Variants in SORBS2 observed in about 807,000 individuals in gnomAD.
SORBS2 encodes sorbin and SH3 domain containing 2, also known as sorbin and SH3 domain-containing protein 2.
In SORBS2, 46 loss-of-function variants were observed where a neutral mutation model predicts 97.7. The observed-to-expected ratio is 0.47, with a 90% CI of 0.37 to 0.60. The LOEUF (loss-of-function observed/expected upper bound fraction) is 0.60, where lower values mean the gene tolerates loss of function less well. Among genes scored for constraint, SORBS2 ranks in the 20% least tolerant of loss-of-function variants. The pLI is 0.00. For synonymous variants in SORBS2, 476 were observed against 473.4 expected, an observed-to-expected ratio of 1.01 and a Z score of -0.07; for missense variants, 1,316 against 1,282.3, an observed-to-expected ratio of 1.03 and a Z score of -0.40.
intron 2 of SORBS2, chr4:185,772,092 CTTGA>C (rs1363894335): frequency 6.6e-6 from 1 of 152,130 alleles, no homozygotes; most frequent in South Asian, 2.1e-4. Flanking sequence ...AGATCCTGGG[CTTGA>C]TTATTTTTGT....
In SORBS2 at chr4:185,706,810, G is replaced by C. The variant is rs147963187; in HGVS notation, c.-197-27988C>G. The stretch of plus-strand genomic sequence containing the variant: ...ATGCTGCATATAATTACATTGCTAA[G>C]ATTCATCTATATTGTTGGTTATCCC... On this transcript the variant is annotated intron_variant, in intron 2 of 20. Transcript: ENST00000284776. 1.0e-3 allele frequency among the ~76,000 whole-genome samples: 157 copies of C among 152,200 alleles called. 1 individual carries two copies. The highest frequency in any genetic ancestry group is 3.7e-3 in the African/African-American group (152 of 41,526).
chr4:185,623,650 G>A lies in SORBS2; in HGVS notation c.1479C>T (p.Pro493=). Residue 493 remains proline (P), a synonymous_variant, in exon 7 of 15, where the codon CCC becomes CCT. Transcript: ENST00000418609. The surrounding 1 kb of genome is among the most constrained non-coding windows in gnomAD (Gnocchi z 6.4). ...TGTCGGAAAACTCCACGTGTGCTCGGGGCTGCTCATCGCTGGTGACTTCAA... is the reference window on the plus strand; with the variant it reads ...TGTCGGAAAACTCCACGTGTGCTCGAGGCTGCTCATCGCTGGTGACTTCAA... 6.2e-7 allele frequency: 1 copy of A among 1,614,068 alleles called. No individual in the cohort carries two copies. The highest frequency in any genetic ancestry group is 8.5e-7 in the Non-Finnish European group (1 of 1,180,030).
chr4:185,596,099 ATGT>A (rs1349566605), intron 12 of SORBS2, among the ~76,000 whole-genome samples: 1 of 152,322 alleles, frequency 6.6e-6, no homozygotes, highest in East Asian at 1.9e-4. Context: ...TTAAGAGAAA[ATGT>A]TGTGTAAAAT....
chr4:185,630,454 A>AC, intron 5 of SORBS2, 95 bp downstream of exon 17: 3 of 665,886 alleles, frequency 4.5e-6, no homozygotes, highest in Non-Finnish European at 5.0e-6. Context: ...AATGAGTGAT[A>AC]CATGATACTC....
At chr4:185,826,683 G>A (rs549790051) in intron 1 of SORBS2, among the ~76,000 whole-genome samples, 78 of 152,258 alleles carry the variant, frequency 5.1e-4, no homozygotes, top group Middle Eastern at 3.4e-3. Flanking sequence ...AGAGGCCAAT[G>A]AAATCACACT....
intron 2 of SORBS2, among the ~76,000 whole-genome samples, chr4:185,730,078 G>A (rs929254377): frequency 2.6e-5 from 4 of 151,904 alleles, no homozygotes; most frequent in South Asian, 2.1e-4. Flanking sequence ...TCAGCCTCCC[G>A]AGTAGCTGGG....
At chr4:185,608,559 A>T (rs1319662797) in intron 12 of SORBS2, among the ~76,000 whole-genome samples, 5 of 152,238 alleles carry the variant, frequency 3.3e-5, no homozygotes, top group African/African-American at 1.2e-4. Flanking sequence ...TGGATATAGT[A>T]AATGAAACAA....
At chr4:185,954,087 C>T (rs1204868668) in intron 1 of SORBS2, among the ~76,000 whole-genome samples, 1 of 152,144 alleles carries the variant, frequency 6.6e-6, no homozygotes, top group East Asian at 1.9e-4. Context: ...TCTTTCTTTA[C>T]TAGAAATAGA....
chr4:185,723,670 G>A (rs2098534113), intron 2 of SORBS2, among the ~76,000 whole-genome samples: 1 of 152,142 alleles, frequency 6.6e-6, no homozygotes, highest in South Asian at 2.1e-4. Flanking sequence ...ATCCATGCTT[G>A]GAAATGTAAC....
intron 1 of SORBS2, among the ~76,000 whole-genome samples, chr4:185,781,275 G>C (rs1165333239): frequency 7.9e-5 from 12 of 152,202 alleles, no homozygotes; most frequent in Admixed American, 7.9e-4. Context: ...AATTCTTTGT[G>C]TATTTAAAGA....
rs1238867727 is a variant in SORBS2, at chr4:185,606,554, G to A, written c.2796+5226C>T. ...TAGCTAATCATGGTAAGGCCGGTTA[G>A]TTCTTCCATAATCAGACAAAATTAA... On this transcript the variant is annotated intron_variant, in intron 12 of 14. Coordinates refer to ENST00000418609, the Ensembl canonical transcript of SORBS2. This position sits in a 1 kb window ranked among gnomAD's most constrained non-coding sequence, Gnocchi z 4.3. The A allele has an allele frequency of 2.0e-6, 2 of 985,124 alleles. No individual in the cohort carries two copies. Among genetic ancestry groups the A allele is most frequent in the African/African-American group, 3.5e-5 (2 of 57,188 alleles). The allele number at this position is 985,124 out of a possible 1,614,324, so 61.0% of individuals were successfully genotyped here.
At chr4:185,887,279 A>G (rs1281872682) in intron 1 of SORBS2, among the ~76,000 whole-genome samples, 1 of 152,176 alleles carries the variant, frequency 6.6e-6, no homozygotes, top group African/African-American at 2.4e-5. Flanking sequence ...GGTAGAAGAG[A>G]AGGTGCTCTG....
intron 2 of SORBS2, among the ~76,000 whole-genome samples, chr4:185,737,910 G>A (rs999803934): frequency 6.6e-6 from 1 of 152,224 alleles, no homozygotes; most frequent in Non-Finnish European, 1.5e-5. Flanking sequence ...CCAGGGAGGA[G>A]GCGGAGGGGC....
At chr4:185,754,877 A>G (rs142328544) in intron 2 of SORBS2, among the ~76,000 whole-genome samples, 3 of 152,188 alleles carry the variant, frequency 2.0e-5, no homozygotes, top group South Asian at 2.1e-4. Context: ...AGGGCAATAC[A>G]TCACTTCTAC....
At chr4:185,646,419 A>ATT (rs757035543) in intron 4 of SORBS2, 14 of 167,814 alleles carry the variant, frequency 8.3e-5, no homozygotes, top group African/African-American at 1.5e-4. Context: ...GTGTGTGTGT[A>ATT]TATATATATA....
chr4:185,606,549 G>A lies in SORBS2; in HGVS notation c.2796+5231C>T, dbSNP rs533767161. 3.2e-5 allele frequency: 32 copies of A among 985,004 alleles called. No homozygotes were observed. Among genetic ancestry groups the A allele is most frequent in the South Asian group, 9.4e-5 (2 of 21,270 alleles). 61.0% of individuals were successfully genotyped at this position (985,004 alleles called of 1,614,324 possible). On this transcript the variant is annotated intron_variant, in intron 12 of 14. Transcript: ENST00000418609. The surrounding 1 kb of genome is among the most constrained non-coding windows in gnomAD (Gnocchi z 4.3). ...TCTAATAGCTAATCATGGTAAGGCC[G>A]GTTAGTTCTTCCATAATCAGACAAA... is the stretch of plus-strand genomic sequence containing the variant.
chr4:185,755,752 A>C lies in SORBS2; in HGVS notation c.-198+19475T>G, dbSNP rs73873362. Among the ~76,000 whole-genome samples the C allele has an allele frequency of 6.0e-3, 921 of 152,334 alleles. 15 individuals are homozygous for C. Among genetic ancestry groups the C allele is most frequent in the African/African-American group, 0.021 (878 of 41,580 alleles). ...ACTCAGCATTTAGAACCAGAAGAAT[A>C]ATCACATTCATTCTTTCAAGACTTT... On this transcript the variant is annotated intron_variant, in intron 2 of 20. Transcript: ENST00000284776.
intron 2 of SORBS2, among the ~76,000 whole-genome samples, chr4:185,694,546 GT>G (rs2098142605): frequency 6.6e-6 from 1 of 152,114 alleles, no homozygotes; most frequent in African/African-American, 2.4e-5. Flanking sequence ...CAATGGATTG[GT>G]TTTACTTATG....
At chr4:185,925,473 T>C (rs1295141860) in intron 1 of SORBS2, among the ~76,000 whole-genome samples, 1 of 152,082 alleles carries the variant, frequency 6.6e-6, no homozygotes, top group Non-Finnish European at 1.5e-5. Flanking sequence ...GAAATATATT[T>C]TTAAAACGCA....
Sources: allele counts gnomAD v4.1 joint callset (sites outside exome capture counted in the v4.1 genomes callset), GRCh38; gene constraint gnomAD v4.1.1; non-coding constraint Gnocchi (gnomAD v3.1); transcripts MANE v1.5; gene names NCBI Gene and HGNC (gene_info 2026-07-23, HGNC 2026-07-21).